MAP3K21: variants seen among roughly 807,000 people sequenced by gnomAD.
MAP3K21 encodes mitogen-activated protein kinase kinase kinase MLK4.
In MAP3K21, 63 loss-of-function variants were observed where a neutral mutation model predicts 86.1. The ratio of observed to expected loss-of-function variants is 0.73; its 90% CI spans 0.60 to 0.90. The LOEUF (loss-of-function observed/expected upper bound fraction) is 0.90. Among genes scored for constraint, MAP3K21 ranks in the 40% least tolerant of loss-of-function variants. MAP3K21 has a pLI of 0.00. For missense variants in MAP3K21, 1,220 were observed against 1,367.7 expected (o/e 0.89, Z 1.70); for synonymous variants, 558 against 564.8 (o/e 0.99, Z 0.17).
At chr1:233,357,333 A>G (rs899391699) in intron 4 of MAP3K21, among the ~76,000 whole-genome samples, 12 of 152,102 alleles carry the variant, frequency 7.9e-5, no homozygotes, top group Middle Eastern at 3.2e-3. Context: ...CAGCACACCA[A>G]CAGGGCGCAT....
At chr1:233,350,237 T>C (rs1333310496) in intron 2 of MAP3K21, among the ~76,000 whole-genome samples, 1 of 152,150 alleles carries the variant, frequency 6.6e-6, no homozygotes, top group Non-Finnish European at 1.5e-5. Flanking sequence ...TGTATTGTTA[T>C]TTTTTGTTGT....
At chr1:233,354,020 A>T (rs1663301560) in intron 3 of MAP3K21, 65 bp downstream of exon 3, 6 of 1,367,018 alleles carry the variant, frequency 4.4e-6, no homozygotes, top group Non-Finnish European at 4.8e-6. Context: ...ATCATTTTTT[A>T]AAAAACAGAA....
Position 233,362,187 on chromosome 1 carries a change from G to C in MAP3K21, c.1446G>C (p.Leu482=), listed in dbSNP as rs373140196. 5.0e-6 allele frequency: 8 copies of C among 1,614,070 alleles called. No individual in the cohort carries two copies. The African/African-American group carries it at 9.3e-5, about 19-fold the overall frequency. The change falls in exon 5 of 10, where the codon CTG becomes CTC. Residue 482 remains leucine, a synonymous_variant. Coordinates refer to ENST00000366624, the MANE Select transcript of MAP3K21 (RefSeq NM_032435.3). ...IDVLERELNI[L]IFQLNQEKPK... is the part of the protein sequence containing the mutation. Reference sequence around the variant, plus strand: ...TGCTGGAGCGGGAACTTAACATTCTGATATTCCAGCTAAACCAGGAGAAGC... The same window carrying C: ...TGCTGGAGCGGGAACTTAACATTCTCATATTCCAGCTAAACCAGGAGAAGC...
At chr1:233,340,571 T>A (rs1008412838) in intron 1 of MAP3K21, among the ~76,000 whole-genome samples, 2 of 150,944 alleles carry the variant, frequency 1.3e-5, no homozygotes, top group African/African-American at 4.9e-5. Context: ...GTGAGTGGGG[T>A]ATGTGTCCGG....
At chr1:233,370,008 G>T (rs1250221710) in intron 5 of MAP3K21, among the ~76,000 whole-genome samples, 1 of 152,124 alleles carries the variant, frequency 6.6e-6, no homozygotes, top group Non-Finnish European at 1.5e-5. Context: ...TTTAAGCAGG[G>T]GAATGACATG....
chr1:233,381,310 A>G (rs1324736116), intron 9 of MAP3K21, among the ~76,000 whole-genome samples: 5 of 152,196 alleles, frequency 3.3e-5, no homozygotes, highest in African/African-American at 1.2e-4. Context: ...TACTATACTT[A>G]CCTAATCTGT....
At chr1:233,355,207 C>T (rs1416216248) in intron 4 of MAP3K21, among the ~76,000 whole-genome samples, 196 bp downstream of exon 4, 2 of 150,862 alleles carry the variant, frequency 1.3e-5, no homozygotes, top group Non-Finnish European at 2.9e-5. Context: ...GGGGAAAATA[C>T]CCTTTTATTA....
At chr1:233,374,068 A>G (rs1250082019) in intron 6 of MAP3K21, 2 of 152,202 alleles carry the variant, frequency 1.3e-5, no homozygotes, top group African/African-American at 4.8e-5. Context: ...CCTCACTTAA[A>G]TGAAAACTGC....
intron 5 of MAP3K21, among the ~76,000 whole-genome samples, chr1:233,366,799 A>T (rs1311295285): frequency 6.6e-6 from 1 of 152,190 alleles, no homozygotes; most frequent in South Asian, 2.1e-4. Context: ...TTTTAATCTT[A>T]TGGGTATTTA....
At chr1:233,355,084 C>T in intron 4 of MAP3K21, 73 bp downstream of exon 4, 1 of 1,077,454 alleles carries the variant, frequency 9.3e-7, no homozygotes, top group Admixed American at 2.4e-5. Context: ...GCAAGAAGCA[C>T]TGTTAGCATT....
At chr1:233,330,717 C>A (rs1662794706) in intron 1 of MAP3K21, among the ~76,000 whole-genome samples, 1 of 152,148 alleles carries the variant, frequency 6.6e-6, no homozygotes. Context: ...TTGTACTGGT[C>A]CTTAGGCTAA....
Position 233,379,524 on chromosome 1 carries a change from C to T in MAP3K21, c.2518C>T (p.Pro840Ser). Residue 840 changes from proline to serine, a missense_variant, in exon 9 of 10, where the codon CCC (proline) becomes TCC (serine). Around this residue, in one of 5 missense-constraint regions of MAP3K21, gnomAD observed 632 missense variants for 691.3 expected, o/e 0.91. Transcript: ENST00000366624. Reference protein sequence around the residue: ...DSEMLTPDFCPTAPGSGREPA... With the variant: ...DSEMLTPDFCSTAPGSGREPA... The stretch of plus-strand genomic sequence containing the variant: ...TGAGATGCTCACTCCGGATTTTTGT[C>T]CCACTGCCCCAGGAAGTGGTCGTGA... 6.2e-7 allele frequency: 1 copy of T among 1,614,194 alleles called. No homozygotes were observed. The highest frequency in any genetic ancestry group is 8.5e-7 in the Non-Finnish European group (1 of 1,180,038).
Position 233,379,702 on chromosome 1 carries a change from C to T in MAP3K21, c.2696C>T (p.Pro899Leu), listed in dbSNP as rs111921576. ...HHRRTMSDGN[P>L]TPTGATIISA... ...AGACGGACCATGTCTGATGGAAATC[C>T]GACCCCAAGTAGGTTGCATTAATTA... Residue 899 changes from proline to leucine, a missense_variant, in exon 9 of 10, where the codon CCG becomes CTG. This residue lies in a region of MAP3K21 where 632 missense variants were observed against 691.3 expected (regional missense o/e 0.91). Coordinates refer to ENST00000366624, the MANE Select transcript of MAP3K21 (RefSeq NM_032435.3). 28 of 1,608,594 alleles carry T rather than the reference C, an allele frequency of 1.7e-5. No homozygotes were observed. Among genetic ancestry groups the T allele is most frequent in the Admixed American group, 8.3e-5 (5 of 59,954 alleles).
chr1:233,365,412 C>T (rs1663555061), intron 5 of MAP3K21, among the ~76,000 whole-genome samples: 1 of 152,114 alleles, frequency 6.6e-6, no homozygotes, highest in Non-Finnish European at 1.5e-5. Flanking sequence ...ATACACAGAA[C>T]TCGAATAACT....
intron 5 of MAP3K21, among the ~76,000 whole-genome samples, chr1:233,364,948 T>G (rs1269153780): frequency 6.6e-6 from 1 of 152,170 alleles, no homozygotes; most frequent in East Asian, 1.9e-4. Flanking sequence ...TATGGAAATT[T>G]CTATTAGAAT....
chr1:233,348,069 T>C (rs1408834178), intron 2 of MAP3K21, among the ~76,000 whole-genome samples: 1 of 152,176 alleles, frequency 6.6e-6, no homozygotes, highest in East Asian at 1.9e-4. Flanking sequence ...AAGTTGTGTG[T>C]CCATCATCCC....
chr1:233,346,719 G>A (rs1663148460), intron 2 of MAP3K21, 97 bp downstream of exon 2: 2 of 1,045,706 alleles, frequency 1.9e-6, no homozygotes, highest in African/African-American at 1.6e-5. Context: ...ATAAATAGTC[G>A]AGGCCTTTTT....
At position 233,376,378 on chromosome 1, in the gene MAP3K21, T is replaced by C. The variant is rs979106796; in HGVS notation, c.1827-52T>C. 8 of 1,275,450 alleles carry C rather than the reference T, an allele frequency of 6.3e-6. No individual in the cohort carries two copies. The Admixed American group carries it at 7.1e-5, about 11-fold the overall frequency. 79.0% of individuals were successfully genotyped at this position (1,275,450 alleles called of 1,614,324 possible). ...TTGGTCTGTATCCACCAAAACCTAA[T>C]TGGTGTGTTGTGTGCTTCTATCTTA... On this transcript the variant is annotated intron_variant, in intron 7 of 9. Coordinates refer to ENST00000366624, the MANE Select transcript of MAP3K21 (RefSeq NM_032435.3).
intron 2 of MAP3K21, among the ~76,000 whole-genome samples, chr1:233,350,336 C>T (rs750508428): frequency 6.6e-6 from 1 of 151,878 alleles, no homozygotes; most frequent in Non-Finnish European, 1.5e-5. Flanking sequence ...GAGAAACTAC[C>T]GATCCCTGGC....
Sources: gnomAD v4.1 joint callset for allele counts (sites outside exome capture counted in the v4.1 genomes callset) on GRCh38, gnomAD v4.1.1 for gene constraint, gnomAD v4.1.1 regional missense constraint, MANE v1.5 for transcripts, NCBI Gene and HGNC (gene_info 2026-07-23, HGNC 2026-07-21) for gene names.